Variants in TPRN observed in about 807,000 individuals in gnomAD.
TPRN encodes taperin, also known as chromosome 9 open reading frame 75.
Under a neutral mutation model 42.6 loss-of-function variants are expected in TPRN, and 32 were observed. The ratio of observed to expected loss-of-function variants is 0.75; its 90% CI spans 0.57 to 1.01. The LOEUF is 1.01. Among genes scored for constraint, TPRN ranks in the 50% least tolerant of loss-of-function variants. TPRN has a pLI of 0.00. For missense variants in TPRN, 1,095 were observed against 957.5 expected (o/e 1.14, Z -1.90); for synonymous variants, 541 against 445.6 (o/e 1.21, Z -2.70).
In TPRN at chr9:137,200,597, GC is replaced by G. The variant is rs1467070230; in HGVS notation, c.114del (p.Ala41ArgfsTer409). The G allele has an allele frequency of 4.3e-6, 5 of 1,155,544 alleles. No individual in the cohort carries two copies. The highest frequency in any genetic ancestry group is 4.9e-5 in the Admixed American group (1 of 20,544). 71.6% of individuals were successfully genotyped at this position (1,155,544 alleles called of 1,614,324 possible). Reference protein sequence around the residue: ...AKLAALGGGAGPGAAEPEQRV... With the variant: ...AKLAALGGGAXPGAAEPEQRV... ...CGCTGCTCGGGCTCCGCCGCCCCGG[GC>G]CCCGCGCCCCCGCCCAGCGCGGCTA... On this transcript the variant is annotated frameshift_variant, in exon 1 of 4. Transcript: ENST00000409012. LOFTEE classifies it high-confidence loss of function. The surrounding 1 kb of genome is among the most constrained non-coding windows in gnomAD (Gnocchi z 4.3).
chr9:137,197,478 C>T (rs1189420746), intron 1 of TPRN, among the ~76,000 whole-genome samples: 2 of 152,192 alleles, frequency 1.3e-5, no homozygotes, highest in Non-Finnish European at 2.9e-5. Flanking sequence ...GCCAGGCTCC[C>T]AGGGATGGCC....
intron 1 of TPRN, among the ~76,000 whole-genome samples, chr9:137,196,911 G>C (rs1416560219): frequency 6.6e-6 from 1 of 152,196 alleles, no homozygotes; most frequent in Non-Finnish European, 1.5e-5. Context: ...GGCCATGCCA[G>C]GTATCGTCCA....
At chr9:137,198,851 A>T in intron 1 of TPRN, 136 bp downstream of exon 1, 1 of 1,527,656 alleles carries the variant, frequency 6.5e-7, no homozygotes, top group Non-Finnish European at 8.8e-7. Context: ...ACCCAGCCCC[A>T]GCTCGCCTCA....
rs112445285 is a variant in TPRN at position 137,192,708 on chromosome 9, C to T, written c.1726-17G>A. On this transcript the variant is annotated splice_polypyrimidine_tract_variant and intron_variant, in intron 1 of 3. Coordinates refer to ENST00000409012, the MANE Select transcript of TPRN (RefSeq NM_001128228.3). Reference sequence around the variant, plus strand: ...GATCTTCATCTGGGAGTGAGAGTCACGTGAACGAGGGCTGAGGGCCCACAT... The same window carrying T: ...GATCTTCATCTGGGAGTGAGAGTCATGTGAACGAGGGCTGAGGGCCCACAT... The T allele has an allele frequency of 8.9e-5, 144 of 1,613,016 alleles. 1 individual carries two copies. The African/African-American group carries it at 1.0e-3, about 11-fold the overall frequency.
In TPRN at chr9:137,192,076, C is replaced by T. The variant is rs1197761340; in HGVS notation, c.*36G>A. 1 of 1,608,610 alleles carries T rather than the reference C, an allele frequency of 6.2e-7. No homozygotes were observed. Among genetic ancestry groups the T allele is most frequent in the Non-Finnish European group, 8.5e-7 (1 of 1,179,766 alleles). On this transcript the variant is annotated 3_prime_UTR_variant, in exon 4 of 4. Transcript: ENST00000409012. ...TACTGCCCAGCTTCCGGGACTCCCA[C>T]AGCTGGGCTCAGCCTTGGTCCTGGC... is the stretch of plus-strand genomic sequence containing the variant.
chr9:137,200,238 CG>C lies in TPRN; in HGVS notation c.473del (p.Pro158ArgfsTer292). 7.4e-6 allele frequency: 7 copies of C among 945,210 alleles called. No homozygotes were observed. Among genetic ancestry groups the C allele is most frequent in the Non-Finnish European group, 7.5e-6 (6 of 800,138 alleles). 58.6% of individuals were successfully genotyped at this position (945,210 alleles called of 1,614,324 possible). ...RRGSPERARP[P>X]PPPPPPAPPR... ...GCGGCGCGGGCGGCGGCGGCGGCGG[CG>C]GGGGGCGGGCGCGCTCGGGGCTCCC... On this transcript the variant is annotated frameshift_variant, in exon 1 of 4. Coordinates refer to ENST00000409012, the MANE Select transcript of TPRN (RefSeq NM_001128228.3). LOFTEE classifies it high-confidence loss of function. This position sits in a 1 kb window ranked among gnomAD's most constrained non-coding sequence, Gnocchi z 4.3.
intron 1 of TPRN, among the ~76,000 whole-genome samples, chr9:137,197,092 G>A (rs1834716169): frequency 6.6e-6 from 1 of 152,064 alleles, no homozygotes. Context: ...CCACAGTTCT[G>A]TCCCTTCTTT....
chr9:137,198,019 C>T (rs1017000602), intron 1 of TPRN, among the ~76,000 whole-genome samples: 3 of 152,292 alleles, frequency 2.0e-5, no homozygotes, highest in Admixed American at 6.5e-5. Context: ...GCTGAGGGAG[C>T]CTGCAAGGTC....
Position 137,200,573 on chromosome 9 carries a change from G to C in TPRN, c.139C>G (p.Arg47Gly). Residue 47 changes from arginine (R) to glycine (G), a missense_variant, in exon 1 of 4, where the codon CGG becomes GGG. Physicochemically the swap from Arg to Gly is moderately radical, Grantham distance 125 (BLOSUM62 -2). Coordinates refer to ENST00000409012, the MANE Select transcript of TPRN (RefSeq NM_001128228.3). This position sits in a 1 kb window ranked among gnomAD's most constrained non-coding sequence, Gnocchi z 4.3. ...GGGCCCAGGCTCTCGGCCAGCACCC[G>C]CTGCTCGGGCTCCGCCGCCCCGGGC... is the stretch of plus-strand genomic sequence containing the variant. ...AGPGAAEPEQ[R>G]VLAESLGPLR... The C allele has an allele frequency of 8.7e-7, 1 of 1,148,546 alleles. No individual in the cohort carries two copies. The highest frequency in any genetic ancestry group is 1.1e-6 in the Non-Finnish European group (1 of 938,330). 71.1% of individuals were successfully genotyped at this position (1,148,546 alleles called of 1,614,324 possible).
chr9:137,200,585 C>A lies in TPRN; in HGVS notation c.127G>T (p.Glu43Ter). The change falls in exon 1 of 4, where the codon GAG becomes TAG. Residue 43 changes from glutamate (E) to a stop codon, truncating the protein, a stop_gained. Coordinates refer to ENST00000409012, the MANE Select transcript of TPRN (RefSeq NM_001128228.3). LOFTEE classifies it high-confidence loss of function. This position sits in a 1 kb window ranked among gnomAD's most constrained non-coding sequence, Gnocchi z 4.3. ...LGGGAGPGAA[E>*]PEQRVLAESL... ...TCGGCCAGCACCCGCTGCTCGGGCTCCGCCGCCCCGGGCCCCGCGCCCCCG... is the reference window on the plus strand; with the variant it reads ...TCGGCCAGCACCCGCTGCTCGGGCTACGCCGCCCCGGGCCCCGCGCCCCCG... 1 of 1,151,150 alleles carries A rather than the reference C, an allele frequency of 8.7e-7. No homozygotes were observed. Among genetic ancestry groups the A allele is most frequent in the Non-Finnish European group, 1.1e-6 (1 of 940,138 alleles). 71.3% of individuals were successfully genotyped at this position (1,151,150 alleles called of 1,614,324 possible).
intron 1 of TPRN, chr9:137,194,032 GCTT>G (rs1834671204): frequency 6.6e-6 from 1 of 152,248 alleles, no homozygotes; most frequent in African/African-American, 2.4e-5. Context: ...CAAACCCCCA[GCTT>G]CCCCTCTCAG....
At chr9:137,192,902 C>T in intron 1 of TPRN, 1 of 600,798 alleles carries the variant, frequency 1.7e-6, no homozygotes. Context: ...ACCTCCCCTC[C>T]CCATTCCAGC....
chr9:137,197,353 G>C (rs980772131), intron 1 of TPRN, among the ~76,000 whole-genome samples: 4 of 151,936 alleles, frequency 2.6e-5, no homozygotes, highest in Non-Finnish European at 5.9e-5. Context: ...CACCCGCCTC[G>C]GCCTCCCAAA....
Position 137,200,299 on chromosome 9 carries a change from T to A in TPRN, c.413A>T (p.Glu138Val). The change falls in exon 1 of 4, where the codon GAG becomes GTG. Residue 138 changes from glutamate to valine, a missense_variant. Glu to Val is a moderately radical substitution (Grantham distance 121). Transcript: ENST00000409012. This position sits in a 1 kb window ranked among gnomAD's most constrained non-coding sequence, Gnocchi z 4.3. Reference protein sequence around the residue: ...APPGRVSRLLERFDPPAAPRR... With the variant: ...APPGRVSRLLVRFDPPAAPRR... ...CGGCGCGGCGGGCGGGTCGAACCTCTCCAGTAGGCGGCTGACGCGGCCGGG... is the reference window on the plus strand; with the variant it reads ...CGGCGCGGCGGGCGGGTCGAACCTCACCAGTAGGCGGCTGACGCGGCCGGG... 1 of 988,276 alleles carries A rather than the reference T, an allele frequency of 1.0e-6. No homozygotes were observed. The highest frequency in any genetic ancestry group is 4.6e-5 in the South Asian group (1 of 21,796). The allele number at this position is 988,276 out of a possible 1,614,324, so 61.2% of individuals were successfully genotyped here.
At position 137,192,359 on chromosome 9, in the gene TPRN, G is replaced by A. The variant is rs540916630; in HGVS notation, c.1973C>T (p.Ser658Phe). Reference protein sequence around the residue: ...SRLPEGSSGLSSYTPKHSVAF... With the variant: ...SRLPEGSSGLFSYTPKHSVAF... ...CACAGAGTGCTTCGGGGTGTAGCTG[G>A]ACAGGCCTGTGAATGGAGGTGCACA... is the stretch of plus-strand genomic sequence containing the variant. The change falls in exon 3 of 4, where the codon TCC becomes TTC. Residue 658 changes from serine to phenylalanine, a missense_variant. Coordinates refer to ENST00000409012, the MANE Select transcript of TPRN (RefSeq NM_001128228.3). 38 of 1,612,986 alleles carry A rather than the reference G, an allele frequency of 2.4e-5. No individual in the cohort carries two copies. In the East Asian group the frequency reaches 7.8e-4, roughly 33 times the overall value.
chr9:137,195,431 A>T (rs1361969655), intron 1 of TPRN, among the ~76,000 whole-genome samples: 1 of 152,198 alleles, frequency 6.6e-6, no homozygotes, highest in Non-Finnish European at 1.5e-5. Flanking sequence ...AAAACTGACA[A>T]GAAGGGACTC....
chr9:137,199,529 C>G lies in TPRN; in HGVS notation c.1183G>C (p.Glu395Gln), dbSNP rs770777586. Residue 395 changes from glutamate (E) to glutamine (Q), a missense_variant, in exon 1 of 4, where the codon GAG becomes CAG. Transcript: ENST00000409012. The part of the protein sequence containing the change: ...PLEVEAQWAV[E>Q]EGACPRTATA... ...GCTGTCCTGGGACAGGCCCCCTCCT[C>G]GACTGCCCACTGTGCCTCGACCTCC... 45 of 1,568,134 alleles carry G rather than the reference C, an allele frequency of 2.9e-5. No individual in the cohort carries two copies. The highest frequency in any genetic ancestry group is 3.5e-5 in the Non-Finnish European group (41 of 1,157,132).
intron 1 of TPRN, among the ~76,000 whole-genome samples, chr9:137,197,176 G>A (rs906521069): frequency 1.1e-4 from 16 of 152,290 alleles, no homozygotes; most frequent in African/African-American, 3.9e-4. Flanking sequence ...TCGGCTCACT[G>A]CAAGCTCCGC....
intron 1 of TPRN, 29 bp downstream of exon 1, chr9:137,198,958 C>CA: frequency 6.2e-7 from 1 of 1,612,052 alleles, no homozygotes; most frequent in South Asian, 1.1e-5. Context: ...CTCTCCCTGC[C>CA]AGCCAGTGGC....
Sources: allele counts gnomAD v4.1 joint callset (sites outside exome capture counted in the v4.1 genomes callset), GRCh38; gene constraint gnomAD v4.1.1; non-coding constraint Gnocchi (gnomAD v3.1); transcripts MANE v1.5; gene names NCBI Gene and HGNC (gene_info 2026-07-23, HGNC 2026-07-21).